ROBO2: variants seen among roughly 807,000 people sequenced by gnomAD.
ROBO2 encodes roundabout guidance receptor 2.
A neutral mutation model predicts 160.8 loss-of-function variants in ROBO2; 53 were observed. That is an observed-to-expected ratio of 0.33 (90% CI 0.26 to 0.41). The LOEUF (loss-of-function observed/expected upper bound fraction) is 0.41. ROBO2 is among the 10% of genes least tolerant of loss of function. ROBO2 has a pLI of 1.00. For missense variants in ROBO2, 1,577 were observed against 1,722.4 expected (o/e 0.92, Z 1.49); for synonymous variants, 664 against 611.7 (o/e 1.09, Z -1.26).
intron 2 of ROBO2, among the ~76,000 whole-genome samples, chr3:76,194,850 C>G (rs1349304465): frequency 2.0e-5 from 3 of 152,158 alleles, no homozygotes; most frequent in Non-Finnish European, 4.4e-5. Flanking sequence ...GATTTCCTGA[C>G]CTCGTGATCC....
At chr3:76,494,111 T>C (rs1006744244) in intron 2 of ROBO2, among the ~76,000 whole-genome samples, 21 of 152,042 alleles carry the variant, frequency 1.4e-4, no homozygotes, top group African/African-American at 3.9e-4. Context: ...GCCAACCACA[T>C]TGGATAAAAG....
At chr3:76,700,716 A>G (rs571025004) in intron 2 of ROBO2, among the ~76,000 whole-genome samples, 2 of 152,232 alleles carry the variant, frequency 1.3e-5, no homozygotes, top group African/African-American at 4.8e-5. Flanking sequence ...TGAAGCCCCA[A>G]GTCTATGTGT....
intron 2 of ROBO2, among the ~76,000 whole-genome samples, chr3:77,117,736 C>T (rs2074348179): frequency 6.6e-6 from 1 of 152,048 alleles, no homozygotes; most frequent in Non-Finnish European, 1.5e-5. Flanking sequence ...TTTATTTTGG[C>T]TTTATTCTCA....
intron 2 of ROBO2, among the ~76,000 whole-genome samples, chr3:76,501,647 C>G (rs547334421): frequency 6.6e-6 from 1 of 152,092 alleles, no homozygotes; most frequent in Non-Finnish European, 1.5e-5. Context: ...TCAATTTTGA[C>G]CAGAATTCAG....
intron 2 of ROBO2, among the ~76,000 whole-genome samples, chr3:77,117,828 A>C (rs994593675): frequency 6.6e-6 from 1 of 152,148 alleles, no homozygotes; most frequent in African/African-American, 2.4e-5. Context: ...GCCTACATTT[A>C]ATATTTATGT....
At chr3:76,109,022 G>T (rs2070087902) in intron 2 of ROBO2, among the ~76,000 whole-genome samples, 1 of 151,676 alleles carries the variant, frequency 6.6e-6, no homozygotes, top group Non-Finnish European at 1.5e-5. Context: ...TTTTTCGCAA[G>T]TAATATCTAA....
chr3:77,009,433 T>C (rs1261904368), intron 2 of ROBO2, among the ~76,000 whole-genome samples: 4 of 152,156 alleles, frequency 2.6e-5, no homozygotes, highest in African/African-American at 4.8e-5. Context: ...TCTAATCCAA[T>C]ATTGTTTACA....
intron 2 of ROBO2, among the ~76,000 whole-genome samples, chr3:76,178,087 G>T (rs751812149): frequency 2.6e-5 from 4 of 152,108 alleles, no homozygotes; most frequent in Non-Finnish European, 5.9e-5. Context: ...CCCCAAAAAG[G>T]AGATTTGAAG....
intron 2 of ROBO2, among the ~76,000 whole-genome samples, chr3:76,829,655 CTTTCTTTTTTTTTCTT>C (rs952540825): frequency 8.1e-5 from 12 of 148,684 alleles, no homozygotes; most frequent in African/African-American, 2.7e-4. Context: ...CTTTCCTTTT[CTTTCTTTTTTTTTCTT>C]TTTCTTTTTT....
At chr3:76,028,617 A>G (rs967201051) in intron 2 of ROBO2, among the ~76,000 whole-genome samples, 6 of 151,944 alleles carry the variant, frequency 3.9e-5, no homozygotes, top group African/African-American at 7.2e-5. Context: ...AAAATGCAAT[A>G]TAGAAAAATT....
intron 2 of ROBO2, among the ~76,000 whole-genome samples, chr3:77,369,680 TC>T (rs1428819555): frequency 1.3e-5 from 2 of 152,174 alleles, no homozygotes; most frequent in African/African-American, 2.4e-5. Context: ...TGATGTTGAT[TC>T]CCTGCAAGAG....
intron 1 of ROBO2, among the ~76,000 whole-genome samples, chr3:75,932,548 T>C (rs1411234391): frequency 3.3e-5 from 5 of 152,184 alleles, no homozygotes; most frequent in African/African-American, 9.7e-5. Context: ...GACAGCACAT[T>C]TTAGCAGGCA....
chr3:77,255,315 G>A (rs1296988216), intron 2 of ROBO2, among the ~76,000 whole-genome samples: 1 of 152,204 alleles, frequency 6.6e-6, no homozygotes, highest in African/African-American at 2.4e-5. Context: ...TCAGCATTCT[G>A]TAAAGTGCGT....
chr3:76,651,875 A>T (rs2091272432), intron 2 of ROBO2, among the ~76,000 whole-genome samples: 4 of 152,066 alleles, frequency 2.6e-5, no homozygotes, highest in Admixed American at 2.6e-4. Flanking sequence ...TCTTGCTCAC[A>T]AGTGTACCTC....
chr3:76,998,973 A>G (rs72902062), intron 2 of ROBO2, among the ~76,000 whole-genome samples: 164 of 152,288 alleles, frequency 1.1e-3, no homozygotes, highest in African/African-American at 3.7e-3. Context: ...TTAATTAACT[A>G]TAGCTCAAAT....
chr3:76,879,809 C>G (rs999689128), intron 2 of ROBO2, among the ~76,000 whole-genome samples: 1 of 152,074 alleles, frequency 6.6e-6, no homozygotes, highest in African/African-American at 2.4e-5. Context: ...GTGTTCTAAA[C>G]TGTTCGTTAT....
chr3:76,860,811 CT>C (rs1401778555), intron 2 of ROBO2, among the ~76,000 whole-genome samples: 1 of 152,138 alleles, frequency 6.6e-6, no homozygotes, highest in Non-Finnish European at 1.5e-5. Context: ...AATCTCTTGC[CT>C]TTTCTTCACA....
chr3:76,681,867 G>C (rs146905414), intron 2 of ROBO2, among the ~76,000 whole-genome samples: 145 of 152,202 alleles, frequency 9.5e-4, no homozygotes, highest in African/African-American at 3.2e-3. Flanking sequence ...ATAGGCAAGG[G>C]CTAGATTATT....
At chr3:76,623,817 T>A (rs2089412472) in intron 2 of ROBO2, among the ~76,000 whole-genome samples, 1 of 152,202 alleles carries the variant, frequency 6.6e-6, no homozygotes, top group Non-Finnish European at 1.5e-5. Flanking sequence ...TTACAGAAGA[T>A]AAAATTGAAG....
Sources: allele counts gnomAD v4.1 joint callset (sites outside exome capture counted in the v4.1 genomes callset), GRCh38; gene constraint gnomAD v4.1.1; transcripts MANE v1.5; gene names NCBI Gene and HGNC (gene_info 2026-07-23, HGNC 2026-07-21).